IFFO2: variants seen among roughly 807,000 people sequenced by gnomAD.
The protein encoded by IFFO2 is intermediate filament family orphan 2.
IFFO2 carries 19 observed loss-of-function variants against 53.5 expected under a neutral mutation model. That is an observed-to-expected ratio of 0.36 (90% CI 0.25 to 0.52). The LOEUF is 0.52. Among genes scored for constraint, IFFO2 ranks in the 20% least tolerant of loss-of-function variants. The probability of loss-of-function intolerance (pLI) is 0.94; values close to 1 mark genes in which losing one functional copy is unlikely to be tolerated. For synonymous variants in IFFO2, 303 were observed against 313.6 expected, an observed-to-expected ratio of 0.97 and a Z score of 0.36; for missense variants, 570 against 727.4, an observed-to-expected ratio of 0.78 and a Z score of 2.49.
chr1:18,955,580 G>A, intron 1 of IFFO2, 88 bp downstream of exon 1: 3 of 1,455,982 alleles, frequency 2.1e-6, no homozygotes, highest in East Asian at 2.9e-5. Context: ...CCAGCTGCCC[G>A]CCCGGCCCCC....
intron 1 of IFFO2, among the ~76,000 whole-genome samples, chr1:18,929,054 T>C (rs1936338948): frequency 1.3e-5 from 2 of 152,208 alleles, no homozygotes; most frequent in African/African-American, 4.8e-5. Context: ...CATAAACAGT[T>C]CCTGAGGGCT....
rs1381900293 is a variant in IFFO2 at position 18,947,401 on chromosome 1, G to A, written c.665+8267C>T. Among the ~76,000 whole-genome samples the A allele has an allele frequency of 6.6e-6, 1 of 152,206 alleles. No individual in the cohort carries two copies. The highest frequency in any genetic ancestry group is 1.5e-5 in the Non-Finnish European group (1 of 68,034). ...ATTGAGAGCCTGAGATCCACAGCCTGCCCCAGCTTTGCTAGGCAACATTTC... is the reference window on the plus strand; with the variant it reads ...ATTGAGAGCCTGAGATCCACAGCCTACCCCAGCTTTGCTAGGCAACATTTC... On this transcript the variant is annotated intron_variant, in intron 1 of 8. Transcript: ENST00000455833. The surrounding 1 kb of genome is among the most constrained non-coding windows in gnomAD (Gnocchi z 5.0).
chr1:18,955,184 T>C (rs751805640), intron 1 of IFFO2, among the ~76,000 whole-genome samples: 32 of 152,290 alleles, frequency 2.1e-4, no homozygotes, highest in Non-Finnish European at 3.2e-4. Context: ...GCATATTTCC[T>C]ACTTCCTTGG....
intron 1 of IFFO2, among the ~76,000 whole-genome samples, chr1:18,946,499 C>T (rs2148189558): frequency 6.7e-6 from 1 of 149,632 alleles, no homozygotes; most frequent in East Asian, 2.0e-4. Context: ...ACTGCAACCT[C>T]CGCCCTCCAA....
chr1:18,933,013 TACATTTCATCTTCTTCCCCCAGG>T (rs1405294904), intron 1 of IFFO2, among the ~76,000 whole-genome samples: 3 of 152,244 alleles, frequency 2.0e-5, no homozygotes, highest in Non-Finnish European at 4.4e-5. Flanking sequence ...GCTGCCGGCT[TACATTTCATCTTCTTCCCCCAGG>T]ACAGAATCAA....
chr1:18,934,614 A>ATAAAACC (rs1050463283), intron 1 of IFFO2, among the ~76,000 whole-genome samples: 1 of 152,246 alleles, frequency 6.6e-6, no homozygotes, highest in Non-Finnish European at 1.5e-5. Context: ...GGTAAGCCAG[A>ATAAAACC]TAAAACCAAT....
rs1043217051 is a variant in IFFO2, at chr1:18,936,003, G to A, written c.666-14882C>T. ...ATTACAGGTGTGAGCCACTGCGCCC[G>A]GCCCTCATCTCTTTCAAGATCAGGC... On this transcript the variant is annotated intron_variant, in intron 1 of 8. Coordinates refer to ENST00000455833, the MANE Select transcript of IFFO2 (RefSeq NM_001136265.2). This position sits in a 1 kb window ranked among gnomAD's most constrained non-coding sequence, Gnocchi z 4.5. Among the ~76,000 whole-genome samples, 5 of 150,914 alleles carry A rather than the reference G, an allele frequency of 3.3e-5. No homozygotes were observed. Among genetic ancestry groups the A allele is most frequent in the African/African-American group, 9.8e-5 (4 of 40,998 alleles).
At chr1:18,921,006 G>A (rs1230466404) in intron 2 of IFFO2, 55 bp downstream of exon 2, 1 of 1,485,432 alleles carries the variant, frequency 6.7e-7, no homozygotes, top group Non-Finnish European at 9.2e-7. Flanking sequence ...TGTGCCCCTT[G>A]GCCACATGGC....
intron 1 of IFFO2, among the ~76,000 whole-genome samples, chr1:18,950,450 G>A (rs1304036248): frequency 6.6e-6 from 1 of 152,196 alleles, no homozygotes; most frequent in Non-Finnish European, 1.5e-5. Flanking sequence ...ATCCCTGGGA[G>A]AGCAACAAGA....
Position 18,916,252 on chromosome 1 carries a change from C to T in IFFO2, c.1103+651G>A, listed in dbSNP as rs1936131685. Among the ~76,000 whole-genome samples the T allele has an allele frequency of 6.6e-6, 1 of 152,172 alleles. No individual in the cohort carries two copies. Among genetic ancestry groups the T allele is most frequent in the African/African-American group, 2.4e-5 (1 of 41,428 alleles). On this transcript the variant is annotated intron_variant, in intron 5 of 8. Transcript: ENST00000455833. This position sits in a 1 kb window ranked among gnomAD's most constrained non-coding sequence, Gnocchi z 4.3. The stretch of plus-strand genomic sequence containing the variant: ...CTGTATCTCATGGGCAAGAACACCC[C>T]TTCTCCCACCGCTTTTTTGGAGGAA...
At chr1:18,951,680 T>C (rs1169595773) in intron 1 of IFFO2, among the ~76,000 whole-genome samples, 1 of 152,190 alleles carries the variant, frequency 6.6e-6, no homozygotes, top group African/African-American at 2.4e-5. Flanking sequence ...GACCTTTTTC[T>C]TGACAGCCTT....
intron 1 of IFFO2, among the ~76,000 whole-genome samples, chr1:18,954,635 C>T (rs1199181820): frequency 6.6e-6 from 1 of 152,276 alleles, no homozygotes; most frequent in Non-Finnish European, 1.5e-5. Flanking sequence ...ATGCCAAAGA[C>T]AGACCCTTCT....
Position 18,918,227 on chromosome 1 carries a change from G to A in IFFO2, c.963+135C>T. 1 of 806,028 alleles carries A rather than the reference G, an allele frequency of 1.2e-6. No individual in the cohort carries two copies. The highest frequency in any genetic ancestry group is 2.0e-6 in the Non-Finnish European group (1 of 505,232). The allele number at this position is 806,028 out of a possible 1,614,324, so 49.9% of individuals were successfully genotyped here. A position where few individuals can be genotyped will look rare whatever the true frequency, so the allele number is the denominator to read the frequency against. On this transcript the variant is annotated intron_variant, in intron 4 of 8. Transcript: ENST00000455833. The surrounding 1 kb of genome is among the most constrained non-coding windows in gnomAD (Gnocchi z 5.2). ...TTTTCCTGGGGAGGCCACAGGGTCA[G>A]GTAGTGCTACCTCTCGGGGAAGGGG...
At chr1:18,951,755 C>CT (rs1936662590) in intron 1 of IFFO2, among the ~76,000 whole-genome samples, 1 of 152,200 alleles carries the variant, frequency 6.6e-6, no homozygotes, top group Non-Finnish European at 1.5e-5. Flanking sequence ...CCGGTTAAGC[C>CT]TGGGGATGGG....
At chr1:18,908,962 T>C (rs1935992213) in intron 8 of IFFO2, among the ~76,000 whole-genome samples, 1 of 151,984 alleles carries the variant, frequency 6.6e-6, no homozygotes, top group African/African-American at 2.4e-5. Flanking sequence ...TGTCTGGGCA[T>C]ATAGTAGGTG....
At position 18,955,875 on chromosome 1, in the gene IFFO2, T is replaced by G. The variant is rs1039291522; in HGVS notation, c.458A>C (p.His153Pro). ...GATGGTCCCGGGCAGGCGGCCGTAG[T>G]GCTGCGGGTGCGAGCCGCCGCCGGG... ...LPPGGGSHPQ[H>P]YGRLPGTIWS... is the part of the protein sequence containing the mutation. The change falls in exon 1 of 9, where the codon CAC becomes CCC. Residue 153 changes from histidine (H) to proline (P), a missense_variant. By Grantham distance (77) the His-to-Pro change is moderately conservative (BLOSUM62 -2). Coordinates refer to ENST00000455833, the MANE Select transcript of IFFO2 (RefSeq NM_001136265.2). 6 of 1,380,632 alleles carry G rather than the reference T, an allele frequency of 4.3e-6. No individual in the cohort carries two copies. The highest frequency in any genetic ancestry group is 7.4e-5 in the Admixed American group (2 of 26,910). The allele number at this position is 1,380,632 out of a possible 1,614,324, so 85.5% of individuals were successfully genotyped here.
chr1:18,909,519 C>T (rs577003395), intron 8 of IFFO2, among the ~76,000 whole-genome samples: 15 of 152,250 alleles, frequency 9.9e-5, no homozygotes, highest in Admixed American at 7.2e-4. Flanking sequence ...ATGAGAGGGA[C>T]CAGTTAGAGA....
At chr1:18,935,462 C>T (rs1489670457) in intron 1 of IFFO2, among the ~76,000 whole-genome samples, 2 of 152,048 alleles carry the variant, frequency 1.3e-5, no homozygotes, top group East Asian at 3.9e-4. Flanking sequence ...GCTGCATTCT[C>T]TGCCCAACAG....
intron 1 of IFFO2, among the ~76,000 whole-genome samples, chr1:18,929,610 G>A (rs1173887557): frequency 3.3e-5 from 5 of 151,990 alleles, no homozygotes; most frequent in African/African-American, 1.2e-4. Context: ...TGGTGACCAA[G>A]GGGCCCTTTG....
Sources: allele counts gnomAD v4.1 joint callset (sites outside exome capture counted in the v4.1 genomes callset), GRCh38; gene constraint gnomAD v4.1.1; non-coding constraint Gnocchi (gnomAD v3.1); transcripts MANE v1.5; gene names NCBI Gene and HGNC (gene_info 2026-07-23, HGNC 2026-07-21).